The following DIAPH2 variants were observed in gnomAD, a reference collection of about 807,000 sequenced individuals.
The protein encoded by DIAPH2 is protein diaphanous homolog 2.
A neutral mutation model predicts 92.7 loss-of-function variants in DIAPH2; 35 were observed. The observed-to-expected ratio is 0.38, with a 90% CI of 0.29 to 0.50. The LOEUF (loss-of-function observed/expected upper bound fraction) is 0.50. DIAPH2 is among the 20% of genes least tolerant of loss of function. The pLI is 0.94. For synonymous variants in DIAPH2, 301 were observed against 280.4 expected (o/e 1.07, Z -0.73); for missense variants, 701 against 819.5 (o/e 0.86, Z 1.77).
intron 4 of DIAPH2, among the ~76,000 whole-genome samples, chrX:96,877,089 T>TA (rs1419094811): frequency 1.3e-4 from 14 of 111,599 alleles, no homozygotes; most frequent in Non-Finnish European, 2.6e-4. Context: ...CTGCACTATA[T>TA]AGCATTCTCT....
At chrX:97,363,690 A>C (rs1602536890) in intron 24 of DIAPH2, among the ~76,000 whole-genome samples, 1 of 105,814 alleles carries the variant, frequency 9.5e-6, no homozygotes, top group East Asian at 2.9e-4. Context: ...AAAAAAAAAA[A>C]AACCTAACAA....
chrX:97,104,984 A>G (rs930957417), intron 20 of DIAPH2, among the ~76,000 whole-genome samples: 2 of 111,490 alleles, frequency 1.8e-5, no homozygotes, highest in Non-Finnish European at 1.9e-5. Flanking sequence ...AAAAAATACA[A>G]AAATTAGCCA....
intron 3 of DIAPH2, among the ~76,000 whole-genome samples, chrX:96,756,258 C>A: frequency 9.0e-6 from 1 of 110,943 alleles, no homozygotes; most frequent in South Asian, 3.9e-4. Flanking sequence ...AAACACCATA[C>A]CCATAATCAG....
intron 26 of DIAPH2, among the ~76,000 whole-genome samples, chrX:97,476,085 C>T (rs1429882040): frequency 8.9e-6 from 1 of 112,075 alleles, no homozygotes; most frequent in African/African-American, 3.2e-5. Context: ...CTGAGTCTTT[C>T]ATTCTAAGTG....
chrX:96,794,321 T>G (rs1487280751), intron 4 of DIAPH2, among the ~76,000 whole-genome samples: 3 of 111,291 alleles, frequency 2.7e-5, no homozygotes, highest in Non-Finnish European at 3.8e-5. Flanking sequence ...CATAGTAGTA[T>G]TCTTAGTGCC....
chrX:96,852,361 A>T (rs972222359), intron 4 of DIAPH2, among the ~76,000 whole-genome samples: 10 of 112,414 alleles, frequency 8.9e-5, no homozygotes, highest in Middle Eastern at 9.2e-3. Context: ...TAATATATTC[A>T]TGTGAAGTTT....
At chrX:97,422,052 AT>A (rs1240145048) in intron 25 of DIAPH2, among the ~76,000 whole-genome samples, 1 of 111,974 alleles carries the variant, frequency 8.9e-6, no homozygotes, top group East Asian at 2.8e-4. Context: ...ATTCAGACAT[AT>A]GTTTCCTCTG....
intron 4 of DIAPH2, among the ~76,000 whole-genome samples, chrX:96,816,820 A>T (rs760534809): frequency 8.9e-6 from 1 of 112,663 alleles, no homozygotes; most frequent in Non-Finnish European, 1.9e-5. Context: ...TTTGGAAGCA[A>T]CATAAGTGTT....
intron 26 of DIAPH2, among the ~76,000 whole-genome samples, chrX:97,543,392 T>C (rs766796190): frequency 8.9e-6 from 1 of 112,473 alleles, no homozygotes; most frequent in East Asian, 2.8e-4. Flanking sequence ...ATTCCACCTC[T>C]ACATGGAAGA....
At position 97,342,699 on chromosome X, in the gene DIAPH2, G is replaced by C. The variant is rs182852277; in HGVS notation, c.2845-5417G>C. On this transcript the variant is annotated intron_variant, in intron 23 of 26. Coordinates refer to ENST00000324765, the MANE Select transcript of DIAPH2 (RefSeq NM_006729.5). The stretch of plus-strand genomic sequence containing the variant: ...GGACCATATTTTTAAGTAGGGAAAG[G>C]TAGGCAATAAACAGATTGAAATAAG... Among the ~76,000 whole-genome samples, 18 of 111,888 alleles carry C rather than the reference G, an allele frequency of 1.6e-4. No individual in the cohort carries two copies. The East Asian group carries it at 2.8e-3, about 17-fold the overall frequency.
At chrX:96,986,844 C>T (rs1038955617) in intron 17 of DIAPH2, among the ~76,000 whole-genome samples, 3 of 111,069 alleles carry the variant, frequency 2.7e-5, no homozygotes, top group Non-Finnish European at 5.7e-5. Context: ...ATGAAGGCAC[C>T]AGCTATGCGT....
At chrX:97,334,993 C>CAA (rs1314227612) in intron 23 of DIAPH2, among the ~76,000 whole-genome samples, 25 of 6,635 alleles carry the variant, frequency 3.8e-3, no homozygotes, top group Admixed American at 0.01. Flanking sequence ...AAAACAAAAA[C>CAA]AAAACAAAAA....
At chrX:96,762,172 A>C (rs1224888609) in intron 4 of DIAPH2, among the ~76,000 whole-genome samples, 3 of 111,459 alleles carry the variant, frequency 2.7e-5, no homozygotes, top group Non-Finnish European at 3.8e-5. Flanking sequence ...TTGATATTCA[A>C]GTGTGGGAAT....
At chrX:96,810,661 T>G (rs1164352891) in intron 4 of DIAPH2, among the ~76,000 whole-genome samples, 1 of 111,689 alleles carries the variant, frequency 9.0e-6, no homozygotes, top group Admixed American at 9.6e-5. Context: ...GGTCTAACGT[T>G]TAAGTCTTTA....
intron 17 of DIAPH2, among the ~76,000 whole-genome samples, chrX:96,978,641 A>T (rs2065976410): frequency 9.0e-6 from 1 of 110,694 alleles, no homozygotes; most frequent in South Asian, 3.7e-4. Flanking sequence ...GTTGTGAATA[A>T]TATTAATTAT....
intron 4 of DIAPH2, among the ~76,000 whole-genome samples, chrX:96,807,469 G>C: frequency 9.0e-6 from 1 of 111,689 alleles, no homozygotes; most frequent in Non-Finnish European, 1.9e-5. Flanking sequence ...AGTTTGATTG[G>C]CTAACGTGGA....
chrX:97,401,024 C>T (rs2069752055), intron 25 of DIAPH2, among the ~76,000 whole-genome samples: 1 of 109,456 alleles, frequency 9.1e-6, no homozygotes, highest in Non-Finnish European at 1.9e-5. Context: ...ATACCATGGC[C>T]CTAGCTCCAC....
chrX:96,777,729 T>C (rs936593211), intron 4 of DIAPH2, among the ~76,000 whole-genome samples: 1 of 111,823 alleles, frequency 8.9e-6, no homozygotes, highest in Non-Finnish European at 1.9e-5. Flanking sequence ...TTTTAGGAAG[T>C]TGATTAAAAT....
chrX:97,237,578 T>C (rs887164909), intron 22 of DIAPH2, among the ~76,000 whole-genome samples: 1 of 103,777 alleles, frequency 9.6e-6, no homozygotes, highest in Non-Finnish European at 2.0e-5. Context: ...CTTTTTCTTT[T>C]TTCTATTTTT....
Sources: gnomAD v4.1 joint callset for allele counts (sites outside exome capture counted in the v4.1 genomes callset) on GRCh38, gnomAD v4.1.1 for gene constraint, MANE v1.5 for transcripts, NCBI Gene and HGNC (gene_info 2026-07-23, HGNC 2026-07-21) for gene names.